Variants in CFAP299 observed in about 807,000 individuals in gnomAD.
The protein encoded by CFAP299 is cilia and flagella associated protein 299.
CFAP299 carries 21 observed loss-of-function variants against 27.0 expected under a neutral mutation model. The observed-to-expected ratio is 0.78, with a 90% confidence interval of 0.55 to 1.12. CFAP299 has a LOEUF of 1.12. Ranked by LOEUF, CFAP299 falls within the 50% of genes most tolerant of loss-of-function variation. The pLI, the probability that CFAP299 is intolerant of heterozygous loss-of-function variation, is 0.00. For synonymous variants in CFAP299, 104 were observed against 98.1 expected (o/e 1.06, Z -0.36); for missense variants, 310 against 276.6 (o/e 1.12, Z -0.86).
intron 3 of CFAP299, among the ~76,000 whole-genome samples, chr4:80,751,700 T>C (rs1277527051): frequency 6.6e-6 from 1 of 152,178 alleles, no homozygotes; most frequent in Admixed American, 6.5e-5. Context: ...CTGTAATAAT[T>C]GAGTCTACTG....
At chr4:80,453,350 C>T (rs1305443732) in intron 2 of CFAP299, among the ~76,000 whole-genome samples, 2 of 152,008 alleles carry the variant, frequency 1.3e-5, no homozygotes, top group Admixed American at 6.6e-5. Flanking sequence ...AATCCCTTTA[C>T]GAATATTCAA....
intron 2 of CFAP299, among the ~76,000 whole-genome samples, chr4:80,409,462 T>G (rs947296986): frequency 1.3e-5 from 2 of 152,204 alleles, no homozygotes; most frequent in African/African-American, 4.8e-5. Context: ...CCTTTTGTTT[T>G]GTTGTTGCTA....
intron 3 of CFAP299, among the ~76,000 whole-genome samples, chr4:80,739,292 A>G (rs1724114355): frequency 6.6e-6 from 1 of 152,032 alleles, no homozygotes; most frequent in Admixed American, 6.6e-5. Context: ...CTTGCTCTTT[A>G]GCATTATTTT....
Position 80,749,412 on chromosome 4 carries a change from G to A in CFAP299, c.334-120581G>A, listed in dbSNP as rs551443703. Among the ~76,000 whole-genome samples, 8 of 152,264 alleles carry A rather than the reference G, an allele frequency of 5.3e-5. No homozygotes were observed. In the South Asian group the frequency reaches 1.7e-3, roughly 32 times the overall value. ...CTTACATTAGTCTGGGTTCTCTAGA[G>A]GGACAGAACTCACAGAATATATGTA... On this transcript the variant is annotated intron_variant, in intron 3 of 5. Transcript: ENST00000358105.
At chr4:80,448,037 G>A (rs577270036) in intron 2 of CFAP299, among the ~76,000 whole-genome samples, 2 of 152,306 alleles carry the variant, frequency 1.3e-5, no homozygotes, top group Admixed American at 1.3e-4. Flanking sequence ...TTAGGCACCA[G>A]CAGTCAGCAA....
intron 3 of CFAP299, among the ~76,000 whole-genome samples, chr4:80,716,289 A>G (rs1390869076): frequency 6.6e-6 from 1 of 151,850 alleles, no homozygotes; most frequent in African/African-American, 2.4e-5. Flanking sequence ...TAGTATTTTC[A>G]CTTTGCAGAT....
rs565980090 is a variant in CFAP299 at position 80,689,186 on chromosome 4, A to G, written c.333+106003A>G. Among the ~76,000 whole-genome samples the G allele has an allele frequency of 8.9e-3, 1,349 of 152,258 alleles. 20 individuals carry two copies. The highest frequency in any genetic ancestry group is 0.03 in the African/African-American group (1,243 of 41,532). ...GCCAACATTCAGATTCAGGAAATAC[A>G]GAGAACTCCACAAAGATACTCCTCG... On this transcript the variant is annotated intron_variant, in intron 3 of 5. Coordinates refer to ENST00000358105, the MANE Select transcript of CFAP299 (RefSeq NM_152770.3).
At chr4:80,404,294 A>G (rs1188589372) in intron 2 of CFAP299, among the ~76,000 whole-genome samples, 1 of 152,114 alleles carries the variant, frequency 6.6e-6, no homozygotes, top group Non-Finnish European at 1.5e-5. Context: ...CACATGTAAC[A>G]TTAAATTTAC....
chr4:80,485,754 A>T (rs1730786438), intron 2 of CFAP299, among the ~76,000 whole-genome samples: 1 of 152,192 alleles, frequency 6.6e-6, no homozygotes, highest in Non-Finnish European at 1.5e-5. Flanking sequence ...AAAAACATTA[A>T]GTCTTTATCT....
the CFAP299 span, among the ~76,000 whole-genome samples, chr4:80,326,979 G>C: frequency 1.3e-5 from 2 of 152,026 alleles, no homozygotes; most frequent in Non-Finnish European, 2.9e-5. Flanking sequence ...AGTGGAACCT[G>C]GTAGGTTCCA....
intron 3 of CFAP299, among the ~76,000 whole-genome samples, chr4:80,723,970 A>G (rs72864865): frequency 0.073 from 11,174 of 152,154 alleles, 489 homozygotes; most frequent in Middle Eastern, 0.092. Context: ...CAAGATAAGA[A>G]ACAATAAGGG....
chr4:80,786,821 G>C (rs1197111052), intron 3 of CFAP299, among the ~76,000 whole-genome samples: 1 of 152,018 alleles, frequency 6.6e-6, no homozygotes, highest in Non-Finnish European at 1.5e-5. Flanking sequence ...AATGCTTGAA[G>C]GGTTGCTATA....
chr4:80,839,684 T>C (rs901681177), intron 3 of CFAP299, among the ~76,000 whole-genome samples: 1 of 151,938 alleles, frequency 6.6e-6, no homozygotes, highest in South Asian at 2.1e-4. Flanking sequence ...TTCATGGTTA[T>C]CTCAAAGCCA....
intron 4 of CFAP299, among the ~76,000 whole-genome samples, chr4:80,931,391 T>C (rs1486899946): frequency 6.6e-6 from 1 of 152,094 alleles, no homozygotes; most frequent in Non-Finnish European, 1.5e-5. Flanking sequence ...GGAGGCATGA[T>C]GGATGATGGT....
At chr4:80,533,254 G>T (rs1482730240) in intron 2 of CFAP299, among the ~76,000 whole-genome samples, 1 of 152,184 alleles carries the variant, frequency 6.6e-6, no homozygotes, top group East Asian at 1.9e-4. Flanking sequence ...TAGTAGCTGG[G>T]TAATTGAAGC....
intron 3 of CFAP299, among the ~76,000 whole-genome samples, chr4:80,735,858 T>A (rs1267059856): frequency 1.3e-5 from 2 of 152,188 alleles, no homozygotes; most frequent in East Asian, 3.8e-4. Context: ...TTGAGGTTTT[T>A]TACATAAATG....
intron 2 of CFAP299, among the ~76,000 whole-genome samples, chr4:80,441,934 C>A (rs1040251177): frequency 7.2e-5 from 11 of 152,048 alleles, no homozygotes; most frequent in Admixed American, 7.2e-4. Flanking sequence ...AGCCTTTAGA[C>A]CAACAAAGAT....
At chr4:80,690,394 C>T (rs1276524377) in intron 3 of CFAP299, among the ~76,000 whole-genome samples, 1 of 152,144 alleles carries the variant, frequency 6.6e-6, no homozygotes, top group East Asian at 1.9e-4. Flanking sequence ...GAAACTCACT[C>T]AAAACCACTC....
intron 3 of CFAP299, among the ~76,000 whole-genome samples, chr4:80,862,854 A>T (rs776473837): frequency 9.2e-5 from 14 of 152,200 alleles, no homozygotes; most frequent in Non-Finnish European, 1.8e-4. Context: ...ATTTAAAAAC[A>T]GTTATCAGCA....
Sources: gnomAD v4.1 joint callset for allele counts (sites outside exome capture counted in the v4.1 genomes callset) on GRCh38, gnomAD v4.1.1 for gene constraint, MANE v1.5 for transcripts, NCBI Gene and HGNC (gene_info 2026-07-23, HGNC 2026-07-21) for gene names.